SNX3: variants seen among roughly 807,000 people sequenced by gnomAD.
The protein encoded by SNX3 is sorting nexin-3.
Under a neutral mutation model 17.7 loss-of-function variants are expected in SNX3, and 5 were observed. The observed-to-expected ratio is 0.28, with a 90% CI of 0.15 to 0.59. The LOEUF (loss-of-function observed/expected upper bound fraction) is 0.59, where lower values mean the gene tolerates loss of function less well. SNX3 is among the 20% of genes least tolerant of loss of function. The pLI is 0.88. For missense variants in SNX3, 132 were observed against 206.8 expected, an observed-to-expected ratio of 0.64 and a Z score of 2.22; for synonymous variants, 91 against 76.5, an observed-to-expected ratio of 1.19 and a Z score of -0.99.
intron 2 of SNX3, among the ~76,000 whole-genome samples, chr6:108,221,015 T>C (rs897120650): frequency 2.6e-5 from 4 of 152,170 alleles, no homozygotes; most frequent in Admixed American, 6.6e-5. Context: ...AATAACCTGC[T>C]GCCCACTATA....
chr6:108,213,214 T>C (rs1412311577), intron 3 of SNX3, among the ~76,000 whole-genome samples: 1 of 151,968 alleles, frequency 6.6e-6, no homozygotes, highest in Non-Finnish European at 1.5e-5. Context: ...GAGGAGAAGA[T>C]ACAGGATTGA....
intron 1 of SNX3, among the ~76,000 whole-genome samples, chr6:108,226,414 G>A (rs1562424620): frequency 6.6e-6 from 1 of 152,144 alleles, no homozygotes; most frequent in Non-Finnish European, 1.5e-5. Flanking sequence ...AAAGTTTGTA[G>A]GAGACAGAAA....
At chr6:108,244,560 T>A (rs1026275292) in intron 1 of SNX3, among the ~76,000 whole-genome samples, 1 of 151,406 alleles carries the variant, frequency 6.6e-6, no homozygotes, top group South Asian at 2.1e-4. Context: ...ATTAAGTAAA[T>A]CCATATTGTT....
At chr6:108,231,243 G>T (rs1312984512) in intron 1 of SNX3, among the ~76,000 whole-genome samples, 1 of 151,902 alleles carries the variant, frequency 6.6e-6, no homozygotes, top group African/African-American at 2.4e-5. Flanking sequence ...GCGCCACCAC[G>T]CCCGGCTAAT....
intron 3 of SNX3, among the ~76,000 whole-genome samples, chr6:108,214,091 G>T (rs564094293): frequency 6.6e-6 from 1 of 152,292 alleles, no homozygotes; most frequent in South Asian, 2.1e-4. Context: ...TTAAAAACAT[G>T]CACCTTTATA....
intron 1 of SNX3, among the ~76,000 whole-genome samples, chr6:108,229,259 C>CAAAAA: frequency 1.5e-5 from 1 of 68,768 alleles, no homozygotes; most frequent in Non-Finnish European, 3.3e-5. Flanking sequence ...GACTCCACCT[C>CAAAAA]AAAAAAAAAA....
intron 1 of SNX3, among the ~76,000 whole-genome samples, chr6:108,240,820 T>G (rs1401671396): frequency 6.6e-6 from 1 of 152,078 alleles, no homozygotes. Context: ...GGGGCCTTGA[T>G]TAACTCCCAA....
chr6:108,245,827 G>C (rs1283960895), intron 1 of SNX3, among the ~76,000 whole-genome samples: 1 of 152,146 alleles, frequency 6.6e-6, no homozygotes, highest in East Asian at 1.9e-4. Context: ...TAAGTTCCTT[G>C]TAGATTCTGG....
At chr6:108,256,958 C>G (rs72936709) in intron 1 of SNX3, among the ~76,000 whole-genome samples, 280 of 152,338 alleles carry the variant, frequency 1.8e-3, no homozygotes, top group Non-Finnish European at 3.2e-3. Context: ...GTCTTAAACA[C>G]TATCCTCAAA....
At chr6:108,241,198 A>G (rs1775513069) in intron 1 of SNX3, among the ~76,000 whole-genome samples, 1 of 150,322 alleles carries the variant, frequency 6.7e-6, no homozygotes, top group Admixed American at 6.7e-5. Flanking sequence ...AGCTGTATGC[A>G]TGCTCAGCTG....
chr6:108,257,423 G>A (rs931478394), intron 1 of SNX3, among the ~76,000 whole-genome samples: 2 of 152,098 alleles, frequency 1.3e-5, no homozygotes, highest in Non-Finnish European at 2.9e-5. Context: ...TGAGGCGGGG[G>A]GAATACTTGA....
intron 1 of SNX3, among the ~76,000 whole-genome samples, chr6:108,255,557 G>C (rs529389193): frequency 2.9e-4 from 44 of 152,240 alleles, no homozygotes; most frequent in African/African-American, 1.0e-3. Context: ...TCACTGCGTT[G>C]CCCAGGCTGT....
intron 2 of SNX3, among the ~76,000 whole-genome samples, chr6:108,217,215 AAT>A (rs1774615101): frequency 6.6e-6 from 1 of 150,968 alleles, no homozygotes; most frequent in South Asian, 2.1e-4. Context: ...AAAATGTAAC[AAT>A]ATATATATAA....
At chr6:108,219,864 G>GT (rs1299701055) in intron 2 of SNX3, among the ~76,000 whole-genome samples, 8 of 152,162 alleles carry the variant, frequency 5.3e-5, no homozygotes, top group African/African-American at 1.4e-4. Context: ...CATCAGAGAT[G>GT]GACCACTTAA....
At chr6:108,223,263 C>T (rs1774863232) in intron 1 of SNX3, among the ~76,000 whole-genome samples, 1 of 152,262 alleles carries the variant, frequency 6.6e-6, no homozygotes. Context: ...CTCAGCCTCC[C>T]AAGTAGCTGG....
chr6:108,230,371 TAA>T (rs1267832787), intron 1 of SNX3, among the ~76,000 whole-genome samples: 1 of 152,108 alleles, frequency 6.6e-6, no homozygotes, highest in African/African-American at 2.4e-5. Context: ...TCTTAACAGG[TAA>T]AAGTGTTAAA....
intron 1 of SNX3, among the ~76,000 whole-genome samples, chr6:108,257,581 T>A (rs191873313): frequency 6.6e-6 from 1 of 152,178 alleles, no homozygotes; most frequent in Non-Finnish European, 1.5e-5. Flanking sequence ...TGCAAGACTA[T>A]AATTACTCTA....
At chr6:108,260,339 T>G (rs1005009057) in intron 1 of SNX3, among the ~76,000 whole-genome samples, 1 of 152,226 alleles carries the variant, frequency 6.6e-6, no homozygotes, top group Admixed American at 6.5e-5. Flanking sequence ...CGGGTTGGCT[T>G]GCTACCTCTG....
chr6:108,226,686 G>A (rs1774982653), intron 1 of SNX3, among the ~76,000 whole-genome samples: 2 of 152,174 alleles, frequency 1.3e-5, no homozygotes, highest in South Asian at 4.1e-4. Context: ...TAAGCTTAAT[G>A]CTACTGGTAA....
Sources: allele counts gnomAD v4.1 joint callset (sites outside exome capture counted in the v4.1 genomes callset), GRCh38; gene constraint gnomAD v4.1.1; transcripts MANE v1.5; gene names NCBI Gene and HGNC (gene_info 2026-07-23, HGNC 2026-07-21).